Variants in EFCAB6 observed in about 807,000 individuals in gnomAD.
EFCAB6 encodes EF-hand calcium binding domain 6.
Under a neutral mutation model 169.8 loss-of-function variants are expected in EFCAB6, and 156 were observed. The ratio of observed to expected loss-of-function variants is 0.92; its 90% confidence interval spans 0.81 to 1.05. The LOEUF is 1.05. Among genes scored for constraint, EFCAB6 ranks in the 50% least tolerant of loss-of-function variants. EFCAB6 has a pLI of 0.00. For missense variants in EFCAB6, 1,800 were observed against 1,829.1 expected, an observed-to-expected ratio of 0.98 and a Z score of 0.29; for synonymous variants, 698 against 676.4, an observed-to-expected ratio of 1.03 and a Z score of -0.50.
rs544430248 is a variant in EFCAB6, at chr22:43,653,551, G to T, written c.1983+13553C>A. On this transcript the variant is annotated intron_variant, in intron 17 of 31. Transcript: ENST00000262726. The stretch of plus-strand genomic sequence containing the variant: ...GTCATCATTCCCATCCTTACAACAA[G>T]AAAAAAGACAAACTGCAAATTAATG... Among the ~76,000 whole-genome samples, 3 of 152,070 alleles carry T rather than the reference G, an allele frequency of 2.0e-5. No individual in the cohort carries two copies. The South Asian group carries it at 6.2e-4, about 32-fold the overall frequency.
At chr22:43,603,588 C>T (rs1293670843) in intron 22 of EFCAB6, among the ~76,000 whole-genome samples, 1 of 152,242 alleles carries the variant, frequency 6.6e-6, no homozygotes, top group Non-Finnish European at 1.5e-5. Flanking sequence ...ATGTCTTAGT[C>T]CTTTCCGCTC....
At chr22:43,804,269 A>C (rs1021627132) in intron 2 of EFCAB6, among the ~76,000 whole-genome samples, 2 of 152,230 alleles carry the variant, frequency 1.3e-5, no homozygotes, top group Non-Finnish European at 2.9e-5. Context: ...AAATTTCTTG[A>C]AATAAATGAA....
rs182229181 is a variant in EFCAB6, at chr22:43,533,231, C to T, written c.4233+1457G>A. On this transcript the variant is annotated intron_variant, in intron 30 of 31. Coordinates refer to ENST00000262726, the MANE Select transcript of EFCAB6 (RefSeq NM_022785.4). ...GTGTAGTTTCCGCCAAAAATGATGA[C>T]GAGAGACTCCATCCACCACACACAC... 438 of 152,300 alleles carry T rather than the reference C, an allele frequency of 2.9e-3. 4 individuals carry two copies. The highest frequency in any genetic ancestry group is 0.01 in the African/African-American group (427 of 41,546). 9.4% of individuals were successfully genotyped at this position (152,300 alleles called of 1,614,324 possible). A position where few individuals can be genotyped will look rare whatever the true frequency, so the allele number is the denominator to read the frequency against.
intron 4 of EFCAB6, 143 bp from the exon 5 acceptor site, chr22:43,765,536 T>C (rs1230109435): frequency 1.8e-6 from 1 of 553,782 alleles, no homozygotes; most frequent in Non-Finnish European, 3.3e-6. Flanking sequence ...AACATTTAAA[T>C]ACAACTGCTT....
At chr22:43,590,778 T>G (rs5764628) in intron 23 of EFCAB6, among the ~76,000 whole-genome samples, 34,355 of 149,570 alleles carry the variant, frequency 0.23, 5,280 homozygotes, top group East Asian at 0.62. Context: ...GGTTTGTAGG[T>G]TTGTAGGTTT....
chr22:43,782,370 C>T (rs1411454805), intron 2 of EFCAB6, 45 bp from the exon 3 acceptor site: 2 of 1,577,850 alleles, frequency 1.3e-6, no homozygotes, highest in African/African-American at 1.4e-5. Flanking sequence ...AAAGAGCATA[C>T]ATTCCAAATG....
chr22:43,693,271 T>A (rs912780015), intron 10 of EFCAB6, among the ~76,000 whole-genome samples: 20 of 152,050 alleles, frequency 1.3e-4, no homozygotes, highest in South Asian at 4.2e-4. Flanking sequence ...AAGGTCAACA[T>A]CAACAGTGAC....
intron 17 of EFCAB6, among the ~76,000 whole-genome samples, chr22:43,646,196 G>A (rs1290409499): frequency 6.6e-6 from 1 of 152,150 alleles, no homozygotes; most frequent in Non-Finnish European, 1.5e-5. Context: ...ACAAATGGGC[G>A]CAACAGGAAA....
intron 23 of EFCAB6, among the ~76,000 whole-genome samples, chr22:43,591,253 C>T (rs1409288394): frequency 1.3e-5 from 2 of 150,638 alleles, no homozygotes; most frequent in African/African-American, 2.4e-5. Flanking sequence ...GTCAGGAGTT[C>T]GAGACCAGCC....
At chr22:43,616,280 GGA>G (rs1335164780) in intron 20 of EFCAB6, among the ~76,000 whole-genome samples, 2 of 152,340 alleles carry the variant, frequency 1.3e-5, no homozygotes, top group Admixed American at 1.3e-4. Context: ...TTTGCAAGTT[GGA>G]GAGATAATGG....
chr22:43,542,390 G>A (rs1207863834), intron 27 of EFCAB6, among the ~76,000 whole-genome samples: 3 of 152,184 alleles, frequency 2.0e-5, no homozygotes, highest in Admixed American at 2.0e-4. Flanking sequence ...GACCAGCCTG[G>A]CCAACATGGT....
chr22:43,737,821 T>A (rs201732801), intron 6 of EFCAB6, among the ~76,000 whole-genome samples: 4 of 123,210 alleles, frequency 3.2e-5, no homozygotes, highest in Admixed American at 2.4e-4. Context: ...TCACACACAC[T>A]CACACCATTA....
intron 5 of EFCAB6, 48 bp downstream of exon 5, chr22:43,765,257 T>C (rs1212795324): frequency 7.0e-7 from 1 of 1,432,118 alleles, no homozygotes; most frequent in African/African-American, 1.4e-5. Flanking sequence ...TAGCTCTTAC[T>C]CATCATTTCA....
At chr22:43,634,035 G>C (rs1238707965) in intron 18 of EFCAB6, among the ~76,000 whole-genome samples, 3 of 152,120 alleles carry the variant, frequency 2.0e-5, no homozygotes, top group Non-Finnish European at 4.4e-5. Context: ...GAGGGGAGGA[G>C]AACACAGGCA....
At chr22:43,581,942 A>G (rs1413533520) in intron 24 of EFCAB6, among the ~76,000 whole-genome samples, 1 of 152,236 alleles carries the variant, frequency 6.6e-6, no homozygotes, top group Non-Finnish European at 1.5e-5. Flanking sequence ...TATTTAGAAA[A>G]GTCTATTTTG....
chr22:43,791,454 G>C (rs1349979017), intron 2 of EFCAB6, among the ~76,000 whole-genome samples: 2 of 152,042 alleles, frequency 1.3e-5, no homozygotes, highest in African/African-American at 4.8e-5. Context: ...AAGAAAGTAG[G>C]TGCAAAAAAA....
At chr22:43,730,339 C>G (rs2059903845) in intron 8 of EFCAB6, among the ~76,000 whole-genome samples, 1 of 144,800 alleles carries the variant, frequency 6.9e-6, no homozygotes, top group African/African-American at 2.6e-5. Context: ...CCAGAGAAAA[C>G]AAATCATCCA....
In EFCAB6 at chr22:43,683,767, C is replaced by T. The variant is rs1013081451; in HGVS notation, c.1231G>A (p.Ala411Thr). ...TEDHSASLKKALLIINTKPDG... is the reference protein window; with the variant it reads ...TEDHSASLKKTLLIINTKPDG... ...CTTACAGTGTTGATTATCAGTAATG[C>T]TTTCTTCAGTGACGCAGAGTGATCT... Residue 411 changes from alanine (A) to threonine (T), a missense_variant, in exon 12 of 32, where the codon GCA becomes ACA. By Grantham distance (58) the Ala-to-Thr change is moderately conservative. Coordinates refer to ENST00000262726, the MANE Select transcript of EFCAB6 (RefSeq NM_022785.4). 6.2e-7 allele frequency: 1 copy of T among 1,611,920 alleles called. No individual in the cohort carries two copies. The highest frequency in any genetic ancestry group is 8.5e-7 in the Non-Finnish European group (1 of 1,178,208).
intron 31 of EFCAB6, chr22:43,530,611 T>C (rs1273429710): frequency 7.1e-6 from 7 of 985,132 alleles, no homozygotes; most frequent in African/African-American, 3.5e-5. Context: ...CCAGCAACCT[T>C]TGGGAAGGAG....
Sources: allele counts gnomAD v4.1 joint callset (sites outside exome capture counted in the v4.1 genomes callset), GRCh38; gene constraint gnomAD v4.1.1; transcripts MANE v1.5; gene names NCBI Gene and HGNC (gene_info 2026-07-23, HGNC 2026-07-21).